SRP19: variants seen among roughly 807,000 people sequenced by gnomAD.
SRP19 encodes signal recognition particle 19.
SRP19 carries 11 observed loss-of-function variants against 22.4 expected under a neutral mutation model. The ratio of observed to expected loss-of-function variants is 0.49; its 90% CI spans 0.31 to 0.81. The LOEUF is 0.81. SRP19 is among the 40% of genes least tolerant of loss of function. The probability of loss-of-function intolerance (pLI) is 0.05; values close to 1 mark genes in which losing one functional copy is unlikely to be tolerated. For missense variants in SRP19, 168 were observed against 175.9 expected (o/e 0.96, Z 0.25); for synonymous variants, 61 against 57.6 (o/e 1.06, Z -0.27).
At chr5:112,865,107 T>C (rs1325322112) in intron 4 of SRP19, 1 of 156,782 alleles carries the variant, frequency 6.4e-6, no homozygotes, top group Non-Finnish European at 1.4e-5. Context: ...GATTCTATCA[T>C]TAATAAATCT....
rs1299365726 is a variant in SRP19, at chr5:112,869,643, G to A, written c.*2106G>A. ...TGAATTATAATCCCCAAATCCCTAT[G>A]TGTTAAGGGTGGGACCAGGTGGAGA... is the stretch of plus-strand genomic sequence containing the variant. On this transcript the variant is annotated 3_prime_UTR_variant, in exon 5 of 5. Transcript: ENST00000505459. The A allele has an allele frequency of 6.6e-6, 1 of 152,234 alleles. No individual in the cohort carries two copies. The highest frequency in any genetic ancestry group is 1.9e-4 in the East Asian group (1 of 5,200). The allele number at this position is 152,234 out of a possible 1,614,324, so 9.4% of individuals were successfully genotyped here.
chr5:112,892,501 G>T, exon 5 of SRP19: 1 of 1,614,176 alleles, frequency 6.2e-7, no homozygotes, highest in East Asian at 2.2e-5. Context: ...ATGCCAAGCA[G>T]CCCTTTCTCT....
chr5:112,871,243 A>ATTTTT (rs10592964), downstream of SRP19, among the ~76,000 whole-genome samples: 22 of 93,950 alleles, frequency 2.3e-4, 3 homozygotes, highest in African/African-American at 8.7e-4. Context: ...CAATCAGTGA[A>ATTTTT]TTTTTTTTTT....
downstream of SRP19, among the ~76,000 whole-genome samples, chr5:112,871,243 A>ATT (rs10592964): frequency 0.018 from 1,665 of 93,900 alleles, 121 homozygotes; most frequent in African/African-American, 0.072. Context: ...CAATCAGTGA[A>ATT]TTTTTTTTTT....
intron 4 of SRP19, 196 bp downstream of exon 4, chr5:112,864,928 G>C (rs1435925405): frequency 2.5e-6 from 1 of 406,992 alleles, no homozygotes; most frequent in Non-Finnish European, 4.3e-6. Flanking sequence ...AATGTAATGA[G>C]ACCCACTAAA....
chr5:112,879,726 T>G (rs1307691357), intron 4 of SRP19, among the ~76,000 whole-genome samples: 3 of 152,060 alleles, frequency 2.0e-5, no homozygotes, highest in Non-Finnish European at 4.4e-5. Context: ...TCTGCCCGCC[T>G]TGGCCTCCCA....
At chr5:112,889,506 A>G (rs192762241) in intron 4 of SRP19, among the ~76,000 whole-genome samples, 1 of 151,084 alleles carries the variant, frequency 6.6e-6, no homozygotes, top group East Asian at 2.0e-4. Context: ...GAACTTGTAT[A>G]TACCTTTGAA....
chr5:112,862,158 G>C (rs752530945), intron 1 of SRP19, among the ~76,000 whole-genome samples: 1 of 152,136 alleles, frequency 6.6e-6, no homozygotes, highest in African/African-American at 2.4e-5. Flanking sequence ...CACTCCACAG[G>C]GTGGGAGCCG....
chr5:112,861,368 C>T lies in SRP19; in HGVS notation c.-9C>T, dbSNP rs1030797350. Reference sequence around the variant, plus strand: ...CTGCGGCTCCTGGGTTGTTGAGACTCTTGTGAAGATGGCTTGCGCTGCCGC... The same window carrying T: ...CTGCGGCTCCTGGGTTGTTGAGACTTTTGTGAAGATGGCTTGCGCTGCCGC... On this transcript the variant is annotated 5_prime_UTR_variant, in exon 1 of 5. Coordinates refer to ENST00000505459, the MANE Select transcript of SRP19 (RefSeq NM_003135.3). The T allele has an allele frequency of 1.9e-6, 3 of 1,614,076 alleles. No homozygotes were observed. Among genetic ancestry groups the T allele is most frequent in the Non-Finnish European group, 2.5e-6 (3 of 1,180,048 alleles).
At chr5:112,873,666 G>C (rs1767809252), downstream of SRP19, among the ~76,000 whole-genome samples, 2 of 151,838 alleles carry the variant, frequency 1.3e-5, no homozygotes, top group Non-Finnish European at 2.9e-5. Flanking sequence ...ACTTCTTTAA[G>C]CTCTTGTCAT....
chr5:112,884,413 G>C (rs1768168905), intron 4 of SRP19, among the ~76,000 whole-genome samples: 1 of 151,308 alleles, frequency 6.6e-6, no homozygotes, highest in Non-Finnish European at 1.5e-5. Context: ...AGGGGGATAG[G>C]GTTTTGCTTT....
rs1367075228 is a variant in SRP19 at position 112,890,106 on chromosome 5, C to T, written c.302-1497C>T. Among the ~76,000 whole-genome samples, 3 of 150,010 alleles carry T rather than the reference C, an allele frequency of 2.0e-5. 1 individual carries two copies. The highest frequency in any genetic ancestry group is 4.1e-4 in the East Asian group (2 of 4,834). ...CCTCCCAAAGTGCTGGGATTACAGG[C>T]GTGAGCCACCGCACCCGGCCACAAA... is the stretch of plus-strand genomic sequence containing the variant. On this transcript the variant is annotated intron_variant, in intron 4 of 4. Transcript: ENST00000391338.
chr5:112,872,322 C>CTTTTTTT (rs759571945), downstream of SRP19, among the ~76,000 whole-genome samples: 32 of 92,688 alleles, frequency 3.5e-4, no homozygotes, highest in Admixed American at 7.3e-4. Context: ...CCAAATGATT[C>CTTTTTTT]TTTTTTTTTT....
intron 4 of SRP19, among the ~76,000 whole-genome samples, chr5:112,879,221 T>C (rs76459446): frequency 0.072 from 10,828 of 151,218 alleles, 471 homozygotes; most frequent in South Asian, 0.14. Flanking sequence ...CAATATATTA[T>C]CAATCTGATG....
chr5:112,884,481 G>A (rs1443092801), intron 4 of SRP19, among the ~76,000 whole-genome samples: 1 of 151,184 alleles, frequency 6.6e-6, no homozygotes, highest in Non-Finnish European at 1.5e-5. Flanking sequence ...GGGCCCAAGT[G>A]ATCCTCCTGC....
chr5:112,884,776 T>G (rs1768185650), intron 4 of SRP19, among the ~76,000 whole-genome samples: 1 of 109,838 alleles, frequency 9.1e-6, no homozygotes, highest in Non-Finnish European at 1.7e-5. Context: ...CCTCCAGTCC[T>G]TGGCCCCCCC....
downstream of SRP19, chr5:112,896,981 T>C (rs1768699460): frequency 6.6e-6 from 1 of 152,138 alleles, no homozygotes; most frequent in African/African-American, 2.4e-5. Flanking sequence ...AAACAGAGGA[T>C]ACAAAGATAT....
chr5:112,864,594 GT>G, intron 3 of SRP19, 26 bp from the exon 4 acceptor site: 3 of 1,612,186 alleles, frequency 1.9e-6, no homozygotes, highest in Non-Finnish European at 2.5e-6. Flanking sequence ...CTTAAGTCCT[GT>G]TTTTCTTTTG....
At chr5:112,864,091 C>T (rs1767503878) in intron 2 of SRP19, among the ~76,000 whole-genome samples, 2 of 152,204 alleles carry the variant, frequency 1.3e-5, no homozygotes, top group South Asian at 4.1e-4. Flanking sequence ...ATATATTCAG[C>T]TTTAGTAGAT....
Sources: gnomAD v4.1 joint callset for allele counts (sites outside exome capture counted in the v4.1 genomes callset) on GRCh38, gnomAD v4.1.1 for gene constraint, MANE v1.5 for transcripts, NCBI Gene and HGNC (gene_info 2026-07-23, HGNC 2026-07-21) for gene names.